The following ZBTB16 variants were observed in gnomAD, a reference collection of about 807,000 sequenced individuals.
ZBTB16 encodes the protein zinc finger and BTB domain containing 16, also known as zinc finger and BTB domain-containing protein 16.
In ZBTB16, 8 loss-of-function variants were observed where a neutral mutation model predicts 56.8. That is an observed-to-expected ratio of 0.14 (90% confidence interval 0.08 to 0.25). The LOEUF (loss-of-function observed/expected upper bound fraction) is 0.25. ZBTB16 is among the 10% of genes least tolerant of loss of function. The probability of loss-of-function intolerance (pLI) is 1.00; values close to 1 mark genes in which losing one functional copy is unlikely to be tolerated. For synonymous variants in ZBTB16, 363 were observed against 368.5 expected (o/e 0.98, Z 0.17); for missense variants, 625 against 903.0 (o/e 0.69, Z 3.95).
intron 5 of ZBTB16, chr11:114,246,838 C>T (rs1202588030): frequency 6.3e-6 from 2 of 315,830 alleles, no homozygotes; most frequent in South Asian, 3.2e-5. Context: ...TGACTTTCAC[C>T]CTTAACCTAA....
intron 4 of ZBTB16, among the ~76,000 whole-genome samples, chr11:114,230,956 G>T (rs1944433137): frequency 6.6e-6 from 1 of 151,924 alleles, no homozygotes; most frequent in African/African-American, 2.4e-5. Context: ...ATACATTGGG[G>T]TTTACTGGAA....
At chr11:114,215,270 TTTAGAAG>T (rs1245386800) in intron 4 of ZBTB16, among the ~76,000 whole-genome samples, 5 of 152,214 alleles carry the variant, frequency 3.3e-5, no homozygotes, top group African/African-American at 1.2e-4. Flanking sequence ...AATAACTTGT[TTTAGAAG>T]TTGGCCTTCT....
At chr11:114,129,067 G>A (rs745595557) in intron 2 of ZBTB16, among the ~76,000 whole-genome samples, 30 of 152,294 alleles carry the variant, frequency 2.0e-4, no homozygotes, top group Admixed American at 3.3e-4. Context: ...GGGTCTGCGT[G>A]GGTGGGGGCG....
chr11:114,064,508 G>A lies in ZBTB16; in HGVS notation c.1208G>A (p.Gly403Glu), dbSNP rs925275405. ...VGMKSESRTI[G>E]EQCSVCGVEL... is the part of the protein sequence containing the mutation. ...ATGAAGTCAGAGAGCCGGACCATCG[G>A]AGAGCAGTGCAGCGTGTGTGGGGTC... Residue 403 changes from glycine to glutamate, a missense_variant, in exon 2 of 7, where the codon GGA becomes GAA. Around this residue, in one of 6 missense-constraint regions of ZBTB16, gnomAD observed 384 missense variants for 393.5 expected, o/e 0.98. Transcript: ENST00000335953. This position sits in a 1 kb window ranked among gnomAD's most constrained non-coding sequence, Gnocchi z 4.2. 6.2e-7 allele frequency: 1 copy of A among 1,613,986 alleles called. No homozygotes were observed. The highest frequency in any genetic ancestry group is 8.5e-7 in the Non-Finnish European group (1 of 1,180,054).
At position 114,223,415 on chromosome 11, in the gene ZBTB16, A is replaced by G. The variant is rs1163454948; in HGVS notation, c.1454-18752A>G. Among the ~76,000 whole-genome samples the G allele has an allele frequency of 3.9e-5, 6 of 152,188 alleles. No homozygotes were observed. The East Asian group carries it at 1.2e-3, about 29-fold the overall frequency. The stretch of plus-strand genomic sequence containing the variant: ...GTGGGTGGGTGGCTTGAGAGAGGAG[A>G]GTAAGCCAGCATGTTTACTTGAGTT... On this transcript the variant is annotated intron_variant, in intron 4 of 6. Transcript: ENST00000335953.
At position 114,148,465 on chromosome 11, in the gene ZBTB16, C is replaced by CTTTCTTTCTTTCTTTCTTTCTTTCTT. The variant is rs1187503856; in HGVS notation, c.1269-7871_1269-7870insTTCTTTCTTTCTTTCTTTCTTTCTTT. Among the ~76,000 whole-genome samples the CTTTCTTTCTTTCTTTCTTTCTTTCTT allele has an allele frequency of 2.8e-4, 15 of 53,532 alleles. 1 individual carries two copies. The highest frequency in any genetic ancestry group is 9.3e-4 in the African/African-American group (14 of 15,122). The allele number at this position is 53,532 out of a possible 152,430, so 35.1% of individuals were successfully genotyped here. ...TCTCTCTCTGTCTGTCTGTCTCTCT[C>CTTTCTTTCTTTCTTTCTTTCTTTCTT]TCTCTCTTTCTTTCTTTCTTTCTTT... On this transcript the variant is annotated intron_variant, in intron 2 of 6. Coordinates refer to ENST00000335953, the MANE Select transcript of ZBTB16 (RefSeq NM_006006.6).
intron 4 of ZBTB16, among the ~76,000 whole-genome samples, chr11:114,220,232 C>T (rs181642552): frequency 1.3e-5 from 2 of 152,278 alleles, no homozygotes; most frequent in East Asian, 3.9e-4. Context: ...AGCAGACTTC[C>T]AGTACAAGGA....
intron 4 of ZBTB16, among the ~76,000 whole-genome samples, chr11:114,239,075 G>A (rs1192284964): frequency 1.3e-5 from 2 of 152,144 alleles, no homozygotes; most frequent in Non-Finnish European, 1.5e-5. Context: ...CATGAAGTGG[G>A]TTCAGGCCAC....
Position 114,063,707 on chromosome 11 carries a change from C to T in ZBTB16, c.407C>T (p.Thr136Ile). ...QASDDNDTEA[T>I]MADGGAEEEE... Reference sequence around the variant, plus strand: ...TCAGACGACAATGACACGGAGGCCACCATGGCCGATGGCGGGGCCGAGGAA... The same window carrying T: ...TCAGACGACAATGACACGGAGGCCATCATGGCCGATGGCGGGGCCGAGGAA... The change falls in exon 2 of 7, where the codon ACC becomes ATC. Residue 136 changes from threonine (T) to isoleucine (I), a missense_variant. Physicochemically the swap from Thr to Ile is moderately conservative, Grantham distance 89. Coordinates refer to ENST00000335953, the MANE Select transcript of ZBTB16 (RefSeq NM_006006.6). This position sits in a 1 kb window ranked among gnomAD's most constrained non-coding sequence, Gnocchi z 6.5. The T allele has an allele frequency of 1.2e-6, 2 of 1,614,090 alleles. No individual in the cohort carries two copies. The highest frequency in any genetic ancestry group is 1.3e-5 in the African/African-American group (1 of 75,062).
chr11:114,113,100 G>T (rs758374627), intron 2 of ZBTB16, among the ~76,000 whole-genome samples: 1 of 152,086 alleles, frequency 6.6e-6, no homozygotes, highest in Non-Finnish European at 1.5e-5. Context: ...TATTCTCAAG[G>T]TACCTGCTGC....
chr11:114,248,616 C>A (rs530159532), intron 6 of ZBTB16, among the ~76,000 whole-genome samples: 1 of 152,152 alleles, frequency 6.6e-6, no homozygotes, highest in Non-Finnish European at 1.5e-5. Flanking sequence ...TGGCTTCAGG[C>A]AGGTCCTGCT....
At chr11:114,212,097 G>A (rs191251063) in intron 4 of ZBTB16, among the ~76,000 whole-genome samples, 99 of 152,160 alleles carry the variant, frequency 6.5e-4, no homozygotes, top group Non-Finnish European at 1.3e-3. Context: ...AGTGTGGACC[G>A]GGCGAGCTGT....
intron 3 of ZBTB16, among the ~76,000 whole-genome samples, chr11:114,163,008 C>T (rs1942634896): frequency 1.3e-5 from 2 of 152,140 alleles, no homozygotes; most frequent in South Asian, 2.1e-4. Flanking sequence ...CTTGCAGATG[C>T]GCCTCCAAGA....
At chr11:114,091,940 G>A (rs1342093816) in intron 2 of ZBTB16, among the ~76,000 whole-genome samples, 1 of 152,186 alleles carries the variant, frequency 6.6e-6, no homozygotes, top group Non-Finnish European at 1.5e-5. Context: ...AGGCCTGTGC[G>A]CCCCTTCTCA....
At chr11:114,181,836 T>A (rs1304655395) in intron 3 of ZBTB16, among the ~76,000 whole-genome samples, 2 of 152,160 alleles carry the variant, frequency 1.3e-5, no homozygotes, top group African/African-American at 2.4e-5. Flanking sequence ...AATCTATCCC[T>A]TAACTTCCCC....
chr11:114,108,926 A>G (rs961769180), intron 2 of ZBTB16, among the ~76,000 whole-genome samples: 6 of 152,198 alleles, frequency 3.9e-5, no homozygotes, highest in African/African-American at 1.4e-4. Context: ...ATGGGCAGGT[A>G]AGGGTACCCA....
intron 2 of ZBTB16, among the ~76,000 whole-genome samples, chr11:114,155,658 T>A (rs1025936495): frequency 6.6e-6 from 1 of 152,224 alleles, no homozygotes; most frequent in Non-Finnish European, 1.5e-5. Flanking sequence ...AATGATGTTA[T>A]CCAGTTTCTT....
intron 4 of ZBTB16, among the ~76,000 whole-genome samples, chr11:114,205,442 C>T: frequency 6.6e-6 from 1 of 152,010 alleles, no homozygotes; most frequent in Non-Finnish European, 1.5e-5. Context: ...TTCTCTGAAC[C>T]TTAGGAGAAG....
At chr11:114,187,108 G>T (rs1314862836) in intron 4 of ZBTB16, 70 bp downstream of exon 4, 5 of 1,493,602 alleles carry the variant, frequency 3.3e-6, no homozygotes, top group Non-Finnish European at 3.7e-6. Flanking sequence ...TGAACTGTCT[G>T]GGTGGCAACC....
Sources: gnomAD v4.1 joint callset for allele counts (sites outside exome capture counted in the v4.1 genomes callset) on GRCh38, gnomAD v4.1.1 for gene constraint, gnomAD v4.1.1 regional missense constraint, Gnocchi (gnomAD v3.1) non-coding constraint, MANE v1.5 for transcripts, NCBI Gene and HGNC (gene_info 2026-07-23, HGNC 2026-07-21) for gene names.